Variants in PRKN observed in about 807,000 individuals in gnomAD.
The protein encoded by PRKN is parkin RBR E3 ubiquitin protein ligase.
Under a neutral mutation model 59.5 loss-of-function variants are expected in PRKN, and 56 were observed. That is an observed-to-expected ratio of 0.94 (90% CI 0.76 to 1.18). The LOEUF is 1.18. Ranked by LOEUF, PRKN falls within the 50% of genes most tolerant of loss-of-function variation. The pLI, the probability that PRKN is intolerant of heterozygous loss-of-function variation, is 0.00. For synonymous variants in PRKN, 250 were observed against 222.1 expected, an observed-to-expected ratio of 1.13 and a Z score of -1.12; for missense variants, 657 against 596.4, an observed-to-expected ratio of 1.10 and a Z score of -1.06.
intron 2 of PRKN, among the ~76,000 whole-genome samples, chr6:162,321,700 T>G (rs1783031467): frequency 6.6e-6 from 1 of 152,020 alleles, no homozygotes; most frequent in South Asian, 2.1e-4. Context: ...CAAGTTTGAT[T>G]TAACCTTTGA....
At chr6:161,973,235 G>T in intron 6 of PRKN, 67 bp downstream of exon 6, 1 of 991,388 alleles carries the variant, frequency 1.0e-6, no homozygotes, top group Non-Finnish European at 1.6e-6. Context: ...GGAGGGGGGA[G>T]TGATGCTATT....
At chr6:161,998,435 C>T (rs1370102911) in intron 5 of PRKN, among the ~76,000 whole-genome samples, 1 of 151,984 alleles carries the variant, frequency 6.6e-6, no homozygotes, top group African/African-American at 2.4e-5. Context: ...ATATGAAAAC[C>T]CCCATATATT....
At chr6:161,705,356 C>T (rs549187648) in intron 7 of PRKN, among the ~76,000 whole-genome samples, 6 of 152,102 alleles carry the variant, frequency 3.9e-5, no homozygotes, top group Admixed American at 2.0e-4. Flanking sequence ...TTTATAATAA[C>T]GTGTTGATTA....
intron 1 of PRKN, among the ~76,000 whole-genome samples, chr6:162,491,099 G>C (rs944509578): frequency 7.4e-6 from 1 of 135,020 alleles, no homozygotes; most frequent in African/African-American, 3.0e-5. Context: ...GTGAAACTCT[G>C]TCTCAGAAAA....
At chr6:161,597,783 C>T (rs1781967361) in intron 7 of PRKN, among the ~76,000 whole-genome samples, 1 of 152,158 alleles carries the variant, frequency 6.6e-6, no homozygotes, top group South Asian at 2.1e-4. Flanking sequence ...GGTACTGGTG[C>T]TGCTATGATG....
intron 5 of PRKN, among the ~76,000 whole-genome samples, chr6:161,973,733 T>C (rs947765897): frequency 9.9e-5 from 15 of 152,216 alleles, no homozygotes; most frequent in Admixed American, 1.3e-4. Flanking sequence ...AATCACACGA[T>C]GTGGAGGTGG....
intron 7 of PRKN, among the ~76,000 whole-genome samples, chr6:161,641,744 A>C (rs1783747848): frequency 1.3e-5 from 2 of 152,234 alleles, no homozygotes; most frequent in Admixed American, 6.5e-5. Context: ...TATTCAGAAT[A>C]CTTTCACAGC....
At chr6:161,509,321 A>G (rs185431048) in intron 9 of PRKN, among the ~76,000 whole-genome samples, 14 of 152,162 alleles carry the variant, frequency 9.2e-5, no homozygotes, top group African/African-American at 3.4e-4. Context: ...TCCTAGTGTT[A>G]GCTGTTTATT....
chr6:162,333,398 T>A (rs191411014), intron 2 of PRKN, among the ~76,000 whole-genome samples: 155 of 152,198 alleles, frequency 1.0e-3, no homozygotes, highest in African/African-American at 3.4e-3. Flanking sequence ...ACAGGAGACA[T>A]TTTGCCAACA....
At chr6:162,517,430 G>A (rs997122862) in intron 1 of PRKN, among the ~76,000 whole-genome samples, 7 of 143,908 alleles carry the variant, frequency 4.9e-5, no homozygotes, top group Non-Finnish European at 9.2e-5. Flanking sequence ...TTTTTTTTTT[G>A]TATTTTTAGT....
At chr6:162,053,084 A>C (rs887794919) in intron 5 of PRKN, among the ~76,000 whole-genome samples, 6 of 152,176 alleles carry the variant, frequency 3.9e-5, no homozygotes, top group Non-Finnish European at 8.8e-5. Flanking sequence ...GTGACATACA[A>C]GTCATTATCT....
intron 1 of PRKN, among the ~76,000 whole-genome samples, chr6:162,681,842 C>T (rs1779781450): frequency 6.6e-6 from 1 of 152,076 alleles, no homozygotes; most frequent in African/African-American, 2.4e-5. Context: ...ATAGACCCAA[C>T]TCCCACCCGC....
chr6:162,516,347 T>C (rs1265998916), intron 1 of PRKN, among the ~76,000 whole-genome samples: 4 of 152,210 alleles, frequency 2.6e-5, no homozygotes, highest in Admixed American at 2.6e-4. Context: ...TCTGCACACC[T>C]ATCCAATGAA....
intron 2 of PRKN, among the ~76,000 whole-genome samples, chr6:162,340,567 G>T (rs1179269752): frequency 6.6e-6 from 1 of 152,038 alleles, no homozygotes; most frequent in African/African-American, 2.4e-5. Flanking sequence ...CATGGAACTG[G>T]TACCAAAACA....
intron 6 of PRKN, among the ~76,000 whole-genome samples, chr6:161,885,533 C>T (rs947685224): frequency 4.6e-5 from 7 of 151,888 alleles, no homozygotes; most frequent in Non-Finnish European, 5.9e-5. Flanking sequence ...GGCGTGGTGG[C>T]GGGCCCCTGT....
chr6:161,382,217 G>A (rs1022001713), intron 10 of PRKN, among the ~76,000 whole-genome samples: 4 of 151,652 alleles, frequency 2.6e-5, no homozygotes, highest in South Asian at 2.1e-4. Context: ...TTCAAGTGAC[G>A]AATGTATCAG....
At chr6:161,553,971 C>T (rs1780136951) in intron 8 of PRKN, among the ~76,000 whole-genome samples, 1 of 152,190 alleles carries the variant, frequency 6.6e-6, no homozygotes, top group Non-Finnish European at 1.5e-5. Context: ...AGAAGCACTG[C>T]TTCTTAAAAA....
chr6:161,856,051 T>C lies in PRKN; in HGVS notation c.735-70143A>G, dbSNP rs566445878. ...CAGGGTCTCTGTCTCTCTGCCTCAATAATTCTCCAGATTACGATCAAAGAT... is the reference window on the plus strand; with the variant it reads ...CAGGGTCTCTGTCTCTCTGCCTCAACAATTCTCCAGATTACGATCAAAGAT... On this transcript the variant is annotated intron_variant, in intron 6 of 11. Coordinates refer to ENST00000366898, the MANE Select transcript of PRKN (RefSeq NM_004562.3). Among the ~76,000 whole-genome samples the C allele has an allele frequency of 2.2e-4, 33 of 152,314 alleles. 2 individuals are homozygous for C. The South Asian group carries it at 4.1e-3, about 19-fold the overall frequency.
chr6:162,077,073 G>A (rs1368133737), intron 4 of PRKN, among the ~76,000 whole-genome samples: 1 of 152,014 alleles, frequency 6.6e-6, no homozygotes, highest in African/African-American at 2.4e-5. Flanking sequence ...CTGCAAACCC[G>A]TGCTCAGATT....
Sources: allele counts gnomAD v4.1 joint callset (sites outside exome capture counted in the v4.1 genomes callset), GRCh38; gene constraint gnomAD v4.1.1; transcripts MANE v1.5; gene names NCBI Gene and HGNC (gene_info 2026-07-23, HGNC 2026-07-21).